NEK11: variants seen among roughly 807,000 people sequenced by gnomAD.
NEK11 encodes the protein NIMA related kinase 11.
A neutral mutation model predicts 80.7 loss-of-function variants in NEK11; 72 were observed. The ratio of observed to expected loss-of-function variants is 0.89; its 90% CI spans 0.74 to 1.08. The LOEUF (loss-of-function observed/expected upper bound fraction) is 1.08, where lower values mean the gene tolerates loss of function less well. Among genes scored for constraint, NEK11 ranks in the 50% least tolerant of loss-of-function variants. The pLI is 0.00. For missense variants in NEK11, 764 were observed against 763.6 expected (o/e 1.00, Z -0.01); for synonymous variants, 251 against 260.7 (o/e 0.96, Z 0.36).
At chr3:131,104,589 G>T (rs1262831860) in intron 4 of NEK11, among the ~76,000 whole-genome samples, 1 of 152,088 alleles carries the variant, frequency 6.6e-6, no homozygotes, top group Non-Finnish European at 1.5e-5. Context: ...GGGGTGGGGT[G>T]GCTGTGATTG....
chr3:131,189,628 TC>T (rs2093720244), intron 14 of NEK11, among the ~76,000 whole-genome samples: 4 of 152,290 alleles, frequency 2.6e-5, no homozygotes, highest in Admixed American at 1.3e-4. Flanking sequence ...CCAAACCATT[TC>T]CTTTATTCAC....
At chr3:131,234,399 C>A (rs79530860) in intron 15 of NEK11, among the ~76,000 whole-genome samples, 5,323 of 152,232 alleles carry the variant, frequency 0.035, 136 homozygotes, top group East Asian at 0.085. Flanking sequence ...TGTCTTAAAT[C>A]GACCTTAGAG....
At chr3:131,320,375 A>C (rs760092948) in intron 17 of NEK11, among the ~76,000 whole-genome samples, 3 of 152,128 alleles carry the variant, frequency 2.0e-5, no homozygotes, top group Non-Finnish European at 4.4e-5. Context: ...CTACCAAACA[A>C]ACTGTGATTC....
chr3:131,159,897 C>T (rs565010415), intron 10 of NEK11, among the ~76,000 whole-genome samples: 155 of 152,182 alleles, frequency 1.0e-3, no homozygotes, highest in Non-Finnish European at 1.9e-3. Flanking sequence ...ATGAATAAAA[C>T]CTCCAAGAAA....
intron 17 of NEK11, chr3:131,328,621 T>C (rs1043027986): frequency 6.6e-6 from 1 of 152,212 alleles, no homozygotes; most frequent in African/African-American, 2.4e-5. Flanking sequence ...AAGGGAAACA[T>C]ACTTTCTGTT....
At chr3:131,146,153 G>T (rs2088197802) in intron 7 of NEK11, among the ~76,000 whole-genome samples, 1 of 152,048 alleles carries the variant, frequency 6.6e-6, no homozygotes, top group South Asian at 2.1e-4. Context: ...TCCTCAAGGA[G>T]ACCCTAAGCC....
chr3:131,102,055 G>GT (rs1276206667), intron 4 of NEK11, among the ~76,000 whole-genome samples: 12 of 151,586 alleles, frequency 7.9e-5, no homozygotes, highest in South Asian at 2.1e-4. Flanking sequence ...GCTCTTTTTT[G>GT]TTTTTTTGTT....
chr3:131,195,059 A>G (rs2093945915), intron 14 of NEK11, among the ~76,000 whole-genome samples: 1 of 152,162 alleles, frequency 6.6e-6, no homozygotes, highest in Non-Finnish European at 1.5e-5. Flanking sequence ...CAAGTGCTGC[A>G]TTTGCCTCCA....
chr3:131,206,403 G>A (rs779202978), intron 14 of NEK11, among the ~76,000 whole-genome samples: 8 of 152,296 alleles, frequency 5.3e-5, no homozygotes, highest in Non-Finnish European at 1.2e-4. Flanking sequence ...AGGTTTAATA[G>A]CTTTAACATT....
chr3:131,171,295 A>G (rs2092677705), intron 14 of NEK11, among the ~76,000 whole-genome samples: 1 of 152,224 alleles, frequency 6.6e-6, no homozygotes, highest in Admixed American at 6.5e-5. Flanking sequence ...AGCTATGCAG[A>G]TGTGCATTAC....
In NEK11 at chr3:131,177,526, C is replaced by T. The variant is rs769449961; in HGVS notation, c.1399+6639C>T. On this transcript the variant is annotated intron_variant, in intron 14 of 17. Coordinates refer to ENST00000383366, the MANE Select transcript of NEK11 (RefSeq NM_024800.5). ...TCACCTCTTGTCTACTTGTTAGAAT[C>T]GGACTTATCTTTTAAGACCCAGCTC... Among the ~76,000 whole-genome samples the T allele has an allele frequency of 2.0e-5, 3 of 152,134 alleles. No individual in the cohort carries two copies. In the South Asian group the frequency reaches 6.2e-4, roughly 32 times the overall value.
chr3:131,180,557 A>AT (rs2093288706), intron 14 of NEK11, among the ~76,000 whole-genome samples: 1 of 152,114 alleles, frequency 6.6e-6, no homozygotes. Context: ...AAAAAGCAAA[A>AT]TATAATTAAA....
chr3:131,153,337 C>A (rs1274861360), intron 9 of NEK11, among the ~76,000 whole-genome samples: 1 of 152,158 alleles, frequency 6.6e-6, no homozygotes. Flanking sequence ...CTAGGGTTAT[C>A]ATTGACCATT....
At chr3:131,035,193 G>A (rs571544052) in intron 3 of NEK11, among the ~76,000 whole-genome samples, 1 of 152,218 alleles carries the variant, frequency 6.6e-6, no homozygotes, top group African/African-American at 2.4e-5. Flanking sequence ...GAGAGCTCTT[G>A]GGTCTACATT....
intron 14 of NEK11, among the ~76,000 whole-genome samples, chr3:131,227,931 G>A (rs1317227093): frequency 6.6e-6 from 1 of 152,124 alleles, no homozygotes; most frequent in Non-Finnish European, 1.5e-5. Context: ...AGTGCTGAAT[G>A]TAAGGTTGAG....
chr3:131,209,505 G>T (rs145369709), intron 14 of NEK11, among the ~76,000 whole-genome samples: 1 of 152,286 alleles, frequency 6.6e-6, no homozygotes, highest in African/African-American at 2.4e-5. Flanking sequence ...ATGAGTTAGG[G>T]AGGATTCCCT....
chr3:131,032,211 C>T (rs944668051), intron 3 of NEK11, among the ~76,000 whole-genome samples: 1 of 152,208 alleles, frequency 6.6e-6, no homozygotes. Context: ...ATCCTCTTGC[C>T]TTGGCCTCCC....
intron 3 of NEK11, among the ~76,000 whole-genome samples, chr3:131,045,600 C>T (rs532989345): frequency 5.1e-4 from 77 of 152,240 alleles, no homozygotes; most frequent in African/African-American, 1.7e-3. Context: ...GAATGTTACA[C>T]GTGCTGATGC....
chr3:131,245,311 G>T (rs2095582803), intron 16 of NEK11, among the ~76,000 whole-genome samples: 1 of 151,864 alleles, frequency 6.6e-6, no homozygotes, highest in Non-Finnish European at 1.5e-5. Context: ...TTGTGTGTGT[G>T]TGTGTGTGTG....
Sources: allele counts gnomAD v4.1 joint callset (sites outside exome capture counted in the v4.1 genomes callset), GRCh38; gene constraint gnomAD v4.1.1; transcripts MANE v1.5; gene names NCBI Gene and HGNC (gene_info 2026-07-23, HGNC 2026-07-21).